HSPG2: variants seen among roughly 807,000 people sequenced by gnomAD.
The protein encoded by HSPG2 is basement membrane-specific heparan sulfate proteoglycan core protein.
Under a neutral mutation model 526.6 loss-of-function variants are expected in HSPG2, and 278 were observed. That is an observed-to-expected ratio of 0.53 (90% CI 0.48 to 0.58). HSPG2 has a LOEUF of 0.58. Ranked by LOEUF, HSPG2 falls within the 20% of genes least tolerant of loss-of-function variation. HSPG2 has a pLI of 0.00. For missense variants in HSPG2, 5,354 were observed against 6,099.5 expected (o/e 0.88, Z 4.07); for synonymous variants, 2,465 against 2,555.4 (o/e 0.96, Z 1.07).
intron 13 of HSPG2, among the ~76,000 whole-genome samples, chr1:21,883,787 C>T (rs369928366): frequency 3.3e-5 from 5 of 152,204 alleles, no homozygotes; most frequent in African/African-American, 2.4e-5. Flanking sequence ...ACGTGGAAAA[C>T]GACAGAGCTG....
At chr1:21,935,549 A>G (rs1183496432) in intron 1 of HSPG2, among the ~76,000 whole-genome samples, 7 of 152,266 alleles carry the variant, frequency 4.6e-5, no homozygotes, top group African/African-American at 9.6e-5. Flanking sequence ...AATGTCGCTC[A>G]GTGATGATCT....
chr1:21,850,548 C>T (rs1008678185), intron 55 of HSPG2, 50 bp from the exon 56 acceptor site: 2 of 1,530,480 alleles, frequency 1.3e-6, no homozygotes, highest in Admixed American at 2.0e-5. Context: ...GACCCCTGTT[C>T]CTATAACCTG....
Position 21,865,479 on chromosome 1 carries a change from C to A in HSPG2, c.4315-114G>T. 9.4e-7 allele frequency: 1 copy of A among 1,066,604 alleles called. No homozygotes were observed. The highest frequency in any genetic ancestry group is 1.4e-6 in the Non-Finnish European group (1 of 694,604). 66.1% of individuals were successfully genotyped at this position (1,066,604 alleles called of 1,614,324 possible). The stretch of plus-strand genomic sequence containing the variant: ...CCCCAGCCTCCCACCTCTCTGCTCT[C>A]CCAAGCTCATGCGCCCAAAGGAGTC... On this transcript the variant is annotated intron_variant, in intron 34 of 96. Transcript: ENST00000374695. This position sits in a 1 kb window ranked among gnomAD's most constrained non-coding sequence, Gnocchi z 5.4.
At chr1:21,921,616 T>C (rs2152798339) in intron 1 of HSPG2, among the ~76,000 whole-genome samples, 1 of 152,296 alleles carries the variant, frequency 6.6e-6, no homozygotes, top group Middle Eastern at 3.4e-3. Context: ...GAGGGTCCCC[T>C]CTGCTGCTCT....
At chr1:21,888,202 C>T (rs1642083980) in intron 6 of HSPG2, 136 bp from the exon 7 acceptor site, 1 of 1,121,014 alleles carries the variant, frequency 8.9e-7, no homozygotes, top group African/African-American at 1.5e-5. Flanking sequence ...ACAACGAGGG[C>T]AAGCAGCACA....
chr1:21,907,467 A>G (rs1643439254), intron 1 of HSPG2, among the ~76,000 whole-genome samples: 1 of 152,158 alleles, frequency 6.6e-6, no homozygotes, highest in Non-Finnish European at 1.5e-5. Context: ...CACTCTGGAC[A>G]GGAGTGAGGT....
At chr1:21,888,635 C>G (rs112517889) in intron 6 of HSPG2, 1 of 1,355,562 alleles carries the variant, frequency 7.4e-7, no homozygotes. Context: ...CTCTAGGAAC[C>G]TGGCTGGGCC....
intron 11 of HSPG2, 38 bp from the exon 12 acceptor site, chr1:21,884,956 G>A: frequency 6.2e-7 from 1 of 1,613,966 alleles, no homozygotes. Flanking sequence ...ATCTGGCCTA[G>A]GGCTCTGGAC....
rs1158003508 is a variant in HSPG2, at chr1:21,846,202, T to C, written c.8370A>G (p.Glu2790=). The change falls in exon 64 of 97, where the codon GAA becomes GAG. Residue 2790 remains glutamate (E), a synonymous_variant. Transcript: ENST00000374695. ...LHHVSPADSG[E]YVCRVMGSSG... ...AGCTGCCCATCACCCGGCACACGTA[T>C]TCACCCGAGTCGGCCGGGGACACAT... 1.2e-6 allele frequency: 2 copies of C among 1,613,090 alleles called. No homozygotes were observed. The highest frequency in any genetic ancestry group is 4.5e-5 in the East Asian group (2 of 44,882).
chr1:21,933,518 C>T (rs375751486), intron 1 of HSPG2, among the ~76,000 whole-genome samples: 1 of 152,218 alleles, frequency 6.6e-6, no homozygotes, highest in African/African-American at 2.4e-5. Context: ...TTTGCTCACC[C>T]GTCTTCCGGG....
chr1:21,891,428 C>T (rs2152767390), intron 3 of HSPG2, among the ~76,000 whole-genome samples: 1 of 152,286 alleles, frequency 6.6e-6, no homozygotes, highest in Non-Finnish European at 1.5e-5. Flanking sequence ...GCAAACCGCC[C>T]AAGAATCGAA....
At chr1:21,841,458 G>C in intron 70 of HSPG2, 81 bp downstream of exon 70, 1 of 1,592,764 alleles carries the variant, frequency 6.3e-7, no homozygotes. Flanking sequence ...ATGGTGGAAG[G>C]AGGATTTAAA....
chr1:21,915,647 T>C (rs745547068), intron 1 of HSPG2, among the ~76,000 whole-genome samples: 1 of 152,152 alleles, frequency 6.6e-6, no homozygotes, highest in Non-Finnish European at 1.5e-5. Context: ...GCACTTAACA[T>C]ACACAGCGCT....
Position 21,823,357 on chromosome 1 carries a change from G to A in HSPG2, c.13135C>T (p.Arg4379Cys), listed in dbSNP as rs576049096. The change falls in exon 97 of 97, where the codon CGC (arginine) becomes TGC (cysteine). Residue 4379 changes from arginine to cysteine, a missense_variant. Arg to Cys is a radical substitution (Grantham distance 180). Coordinates refer to ENST00000374695, the MANE Select transcript of HSPG2 (RefSeq NM_005529.7). The stretch of plus-strand genomic sequence containing the variant: ...CGTGTGTTGGCCCCGGCCTGGGCGC[G>A]GTGCTGCAGGTCCAGGGGCTGTGGG... ...PPPQPLDLQH[R>C]AQAGANTRPC... is the part of the protein sequence containing the mutation. 1.9e-5 allele frequency: 29 copies of A among 1,545,230 alleles called. No individual in the cohort carries two copies. The highest frequency in any genetic ancestry group is 2.3e-5 in the Non-Finnish European group (26 of 1,149,180).
Position 21,851,538 on chromosome 1 carries a change from TC to T in HSPG2, c.7158+7del, listed in dbSNP as rs758741091. The T allele has an allele frequency of 2.5e-6, 4 of 1,613,686 alleles. No individual in the cohort carries two copies. The East Asian group carries it at 8.9e-5, about 36-fold the overall frequency. The stretch of plus-strand genomic sequence containing the variant: ...TCTTCTTGGCCTGTCTGTCCTCCAG[TC>T]CCATACCTGGTGCCGGACAGGGAGG... On this transcript the variant is annotated splice_region_variant and intron_variant, in intron 55 of 96. Transcript: ENST00000374695.
At chr1:21,899,746 G>T (rs1458500828) in intron 1 of HSPG2, among the ~76,000 whole-genome samples, 2 of 152,226 alleles carry the variant, frequency 1.3e-5, no homozygotes, top group African/African-American at 4.8e-5. Flanking sequence ...AGGAGGCTGA[G>T]GAGGTATGAA....
rs773098995 is a variant in HSPG2, at chr1:21,862,107, C to A, written c.4749G>T (p.Gln1583His). Residue 1583 changes from glutamine to histidine, a missense_variant, in exon 38 of 97, where the codon CAG becomes CAT. Coordinates refer to ENST00000374695, the MANE Select transcript of HSPG2 (RefSeq NM_005529.7). ...CGCAGAACTCCCCTGCGGCGTTGTGCTGGCATTGCTGCAGGGCACAAGGAG... is the reference window on the plus strand; with the variant it reads ...CGCAGAACTCCCCTGCGGCGTTGTGATGGCATTGCTGCAGGGCACAAGGAG... ...HPETGACSQCQHNAAGEFCEL... is the reference protein window; with the variant it reads ...HPETGACSQCHHNAAGEFCEL... 5 of 1,612,768 alleles carry A rather than the reference C, an allele frequency of 3.1e-6. No homozygotes were observed. Among genetic ancestry groups the A allele is most frequent in the Non-Finnish European group, 4.2e-6 (5 of 1,180,008 alleles).
rs749627997 is a variant in HSPG2 at position 21,887,270 on chromosome 1, C to T, written c.1023G>A (p.Leu341=). Residue 341 remains leucine, a synonymous_variant, in exon 9 of 97, where the codon CTG becomes CTA. Coordinates refer to ENST00000374695, the MANE Select transcript of HSPG2 (RefSeq NM_005529.7). This position sits in a 1 kb window ranked among gnomAD's most constrained non-coding sequence, Gnocchi z 5.0. The part of the protein sequence containing the change: ...PCGNGHCALK[L]WRCDGDFDCE... The stretch of plus-strand genomic sequence containing the variant: ...AGTCAAAGTCACCATCGCAGCGCCA[C>T]AGCTTGAGGGCACAATGTCCATTCC... 2 of 1,613,946 alleles carry T rather than the reference C, an allele frequency of 1.2e-6. No individual in the cohort carries two copies. Among genetic ancestry groups the T allele is most frequent in the Non-Finnish European group, 1.7e-6 (2 of 1,179,936 alleles).
intron 1 of HSPG2, among the ~76,000 whole-genome samples, chr1:21,926,411 T>G (rs1050973712): frequency 7.2e-5 from 11 of 151,828 alleles, no homozygotes; most frequent in Non-Finnish European, 1.6e-4. Flanking sequence ...TCCTCTGGCC[T>G]AAGGGTCATA....
Sources: gnomAD v4.1 joint callset for allele counts (sites outside exome capture counted in the v4.1 genomes callset) on GRCh38, gnomAD v4.1.1 for gene constraint, Gnocchi (gnomAD v3.1) non-coding constraint, MANE v1.5 for transcripts, NCBI Gene and HGNC (gene_info 2026-07-23, HGNC 2026-07-21) for gene names.